MGAT5: variants seen among roughly 807,000 people sequenced by gnomAD.
The protein encoded by MGAT5 is alpha-1,6-mannosylglycoprotein 6-beta-N-acetylglucosaminyltransferase.
A neutral mutation model predicts 94.3 loss-of-function variants in MGAT5; 30 were observed. The ratio of observed to expected loss-of-function variants is 0.32; its 90% CI spans 0.24 to 0.43. The LOEUF (loss-of-function observed/expected upper bound fraction) is 0.43, where lower values mean the gene tolerates loss of function less well. Ranked by LOEUF, MGAT5 falls within the 20% of genes least tolerant of loss-of-function variation. MGAT5 has a pLI of 1.00. For missense variants in MGAT5, 691 were observed against 905.5 expected, an observed-to-expected ratio of 0.76 and a Z score of 3.04; for synonymous variants, 310 against 322.9, an observed-to-expected ratio of 0.96 and a Z score of 0.43.
intron 1 of MGAT5, among the ~76,000 whole-genome samples, chr2:134,150,421 A>G (rs1020573144): frequency 1.3e-5 from 2 of 152,198 alleles, no homozygotes; most frequent in African/African-American, 2.4e-5. Flanking sequence ...TTCACAGCCC[A>G]TAGGTGCCCC....
At chr2:134,351,236 G>A (rs774812281) in intron 9 of MGAT5, among the ~76,000 whole-genome samples, 1 of 152,108 alleles carries the variant, frequency 6.6e-6, no homozygotes, top group Non-Finnish European at 1.5e-5. Flanking sequence ...TTGATTTTTG[G>A]CACGTTAGAT....
rs770344906 is a variant in MGAT5 at position 134,338,416 on chromosome 2, A to G, written c.803A>G (p.Lys268Arg). 6.3e-7 allele frequency: 1 copy of G among 1,597,402 alleles called. No homozygotes were observed. The highest frequency in any genetic ancestry group is 1.1e-5 in the South Asian group (1 of 87,584). Reference sequence around the variant, plus strand: ...CAGAACCTTGAAAAGAGAAAGCGGAAGAAAGTGAGTTTCTTATTAATTCAG... The same window carrying G: ...CAGAACCTTGAAAAGAGAAAGCGGAGGAAAGTGAGTTTCTTATTAATTCAG... ...EKQNLEKRKRKKVLVHLGLLT... is the reference protein window; with the variant it reads ...EKQNLEKRKRRKVLVHLGLLT... Residue 268 changes from lysine to arginine, a missense_variant, in exon 6 of 16, where the codon AAG becomes AGG. Around this residue, in one of 4 missense-constraint regions of MGAT5, gnomAD observed 307 missense variants for 335.4 expected, o/e 0.92. Transcript: ENST00000281923.
intron 1 of MGAT5, among the ~76,000 whole-genome samples, chr2:134,186,505 G>A (rs1689041280): frequency 6.6e-6 from 1 of 151,802 alleles, no homozygotes; most frequent in Admixed American, 6.6e-5. Flanking sequence ...TGGCCTTTTT[G>A]CATACATGTT....
At chr2:134,290,238 C>G (rs1685264890) in intron 2 of MGAT5, among the ~76,000 whole-genome samples, 1 of 152,224 alleles carries the variant, frequency 6.6e-6, no homozygotes, top group Admixed American at 6.5e-5. Flanking sequence ...ATCTTGGCCA[C>G]TTGTTGTATT....
chr2:134,134,512 T>G (rs556822959), intron 1 of MGAT5, among the ~76,000 whole-genome samples: 1 of 152,222 alleles, frequency 6.6e-6, no homozygotes, highest in East Asian at 1.9e-4. Flanking sequence ...GAACTCTGAG[T>G]AAGGGGATTT....
intron 2 of MGAT5, among the ~76,000 whole-genome samples, chr2:134,303,117 T>A (rs545503050): frequency 6.6e-6 from 1 of 152,206 alleles, no homozygotes; most frequent in Non-Finnish European, 1.5e-5. Context: ...TTATTTGTCT[T>A]AGTCTTGAAT....
intron 1 of MGAT5, among the ~76,000 whole-genome samples, chr2:134,188,002 AT>A (rs1411040484): frequency 6.6e-6 from 1 of 152,240 alleles, no homozygotes; most frequent in African/African-American, 2.4e-5. Flanking sequence ...GAACCTCTTC[AT>A]TTATTGCAGT....
chr2:134,333,829 T>C (rs1390831903), intron 4 of MGAT5, among the ~76,000 whole-genome samples: 3 of 152,210 alleles, frequency 2.0e-5, no homozygotes, highest in African/African-American at 7.2e-5. Flanking sequence ...CTTGGAGTTA[T>C]TGCCAATGCT....
At chr2:134,234,891 A>G (rs892485692) in intron 1 of MGAT5, among the ~76,000 whole-genome samples, 4 of 152,150 alleles carry the variant, frequency 2.6e-5, no homozygotes, top group Non-Finnish European at 5.9e-5. Flanking sequence ...AAGGTCTTGT[A>G]TATTTGCCTC....
intron 1 of MGAT5, among the ~76,000 whole-genome samples, chr2:134,127,871 C>T (rs1420241390): frequency 6.6e-6 from 1 of 152,106 alleles, no homozygotes; most frequent in African/African-American, 2.4e-5. Context: ...TAAAAAGATT[C>T]CTAGGTGTGT....
chr2:134,180,509 C>G (rs1688682680), intron 1 of MGAT5, among the ~76,000 whole-genome samples: 1 of 152,164 alleles, frequency 6.6e-6, no homozygotes, highest in South Asian at 2.1e-4. Flanking sequence ...CATGTGTTAC[C>G]TTTCATTTCA....
chr2:134,163,605 A>AT (rs570142881), intron 1 of MGAT5, among the ~76,000 whole-genome samples: 32 of 152,324 alleles, frequency 2.1e-4, no homozygotes, highest in African/African-American at 7.5e-4. Context: ...AGAGAGGTAC[A>AT]TTTGTCCAGG....
chr2:134,125,960 T>C (rs942485864), intron 1 of MGAT5, among the ~76,000 whole-genome samples: 8 of 152,248 alleles, frequency 5.3e-5, no homozygotes, highest in Non-Finnish European at 1.2e-4. Flanking sequence ...TTCCTTTCTT[T>C]AGGAGCATGG....
At chr2:134,363,304 T>C (rs1467570275) in intron 10 of MGAT5, among the ~76,000 whole-genome samples, 1 of 152,148 alleles carries the variant, frequency 6.6e-6, no homozygotes, top group Non-Finnish European at 1.5e-5. Flanking sequence ...ATGTACAGGA[T>C]AAAGAATTCC....
Position 134,412,874 on chromosome 2 carries a change from T to C in MGAT5, c.1536T>C (p.Phe512=). ...TGTGGTTTTCTGTCTTACAGTTGTTTGTTGGACTTGGGTTCCCTTACGAGG... is the reference window on the plus strand; with the variant it reads ...TGTGGTTTTCTGTCTTACAGTTGTTCGTTGGACTTGGGTTCCCTTACGAGG... The part of the protein sequence containing the change: ...LQFLLRETKL[F]VGLGFPYEGP... Residue 512 remains phenylalanine, a synonymous_variant, in exon 12 of 16, where the codon TTT becomes TTC. Transcript: ENST00000281923. The C allele has an allele frequency of 6.2e-7, 1 of 1,614,122 alleles. No homozygotes were observed. The highest frequency in any genetic ancestry group is 8.5e-7 in the Non-Finnish European group (1 of 1,179,992).
chr2:134,421,603 C>G (rs1413791372), intron 12 of MGAT5, among the ~76,000 whole-genome samples: 2 of 151,876 alleles, frequency 1.3e-5, no homozygotes, highest in Non-Finnish European at 2.9e-5. Flanking sequence ...AAATAAAAAA[C>G]TAGATTCTCT....
rs143884674 is a variant in MGAT5 at position 134,373,704 on chromosome 2, G to A, written c.1380+11296G>A. Among the ~76,000 whole-genome samples, 17 of 152,232 alleles carry A rather than the reference G, an allele frequency of 1.1e-4. 2 individuals carry two copies. Among genetic ancestry groups the A allele is most frequent in the African/African-American group, 3.9e-4 (16 of 41,552 alleles). On this transcript the variant is annotated intron_variant, in intron 10 of 15. Transcript: ENST00000281923. ...CCTCACTGTTCAATACTGAGATACC[G>A]GGGTGCTCCTTCCAGTGTTCCCACA...
rs777288913 is a variant in MGAT5 at position 134,448,829 on chromosome 2, C to T, written c.2208C>T (p.Leu736=). 2.5e-5 allele frequency: 41 copies of T among 1,613,320 alleles called. No individual in the cohort carries two copies. Among genetic ancestry groups the T allele is most frequent in the Non-Finnish European group, 3.4e-5 (40 of 1,179,968 alleles). The change falls in exon 16 of 16, where the codon CTC becomes CTT. Residue 736 remains leucine, a synonymous_variant. Transcript: ENST00000281923. Reference sequence around the variant, plus strand: ...ACTTCATCAAGGGCCAGGTGGCTCTCTGCAAAGACTGCCTATAGCAGCTAC... The same window carrying T: ...ACTTCATCAAGGGCCAGGTGGCTCTTTGCAAAGACTGCCTATAGCAGCTAC... ...CRDFIKGQVA[L]CKDCL is the part of the protein sequence containing the mutation.
chr2:134,255,576 A>G (rs1408612108), intron 1 of MGAT5, among the ~76,000 whole-genome samples: 1 of 152,068 alleles, frequency 6.6e-6, no homozygotes, highest in African/African-American at 2.4e-5. Context: ...AAAAAATTGC[A>G]AATGGAATTT....
Sources: allele counts gnomAD v4.1 joint callset (sites outside exome capture counted in the v4.1 genomes callset), GRCh38; gene constraint gnomAD v4.1.1; regional missense constraint gnomAD v4.1.1; transcripts MANE v1.5; gene names NCBI Gene and HGNC (gene_info 2026-07-23, HGNC 2026-07-21).